The following IMMP2L variants were observed in gnomAD, a reference collection of about 807,000 sequenced individuals.
IMMP2L encodes the protein inner mitochondrial membrane peptidase subunit 2, also known as mitochondrial inner membrane protease subunit 2.
In IMMP2L, 18 loss-of-function variants were observed where a neutral mutation model predicts 19.3. That is an observed-to-expected ratio of 0.93 (90% CI 0.64 to 1.38). The LOEUF (loss-of-function observed/expected upper bound fraction) is 1.38. IMMP2L is among the 40% of genes most tolerant of loss of function. The pLI is 0.00. For missense variants in IMMP2L, 233 were observed against 218.2 expected (o/e 1.07, Z -0.43); for synonymous variants, 76 against 73.0 (o/e 1.04, Z -0.21).
At chr7:111,125,519 T>A (rs561498071) in intron 3 of IMMP2L, 1 of 165,594 alleles carries the variant, frequency 6.0e-6, no homozygotes, top group South Asian at 2.1e-4. Flanking sequence ...ATAATGAAAT[T>A]TGGAATGCTA....
chr7:110,993,813 C>T (rs1822741192), intron 3 of IMMP2L, among the ~76,000 whole-genome samples: 1 of 152,020 alleles, frequency 6.6e-6, no homozygotes, highest in Non-Finnish European at 1.5e-5. Flanking sequence ...ACAAAATCAG[C>T]CCCTCCTGAC....
chr7:111,071,855 C>T (rs1794982384), intron 3 of IMMP2L, among the ~76,000 whole-genome samples: 1 of 152,030 alleles, frequency 6.6e-6, no homozygotes, highest in African/African-American at 2.4e-5. Context: ...CAAATTTATA[C>T]ATTGTACATT....
At chr7:110,866,930 A>G (rs193020332) in intron 5 of IMMP2L, among the ~76,000 whole-genome samples, 2 of 152,256 alleles carry the variant, frequency 1.3e-5, no homozygotes, top group Admixed American at 1.3e-4. Flanking sequence ...CCAATTGCAA[A>G]CACAGTGGCA....
chr7:111,185,256 G>T (rs1672623349), intron 3 of IMMP2L, among the ~76,000 whole-genome samples: 1 of 152,152 alleles, frequency 6.6e-6, no homozygotes, highest in Non-Finnish European at 1.5e-5. Flanking sequence ...AATCTACTCT[G>T]TGGTTGGATT....
At chr7:111,214,058 T>C (rs1586860801) in intron 3 of IMMP2L, among the ~76,000 whole-genome samples, 1 of 152,090 alleles carries the variant, frequency 6.6e-6, no homozygotes, top group African/African-American at 2.4e-5. Context: ...ACACAATAAA[T>C]CAATTAAATA....
Position 110,852,115 on chromosome 7 carries a change from T to C in IMMP2L, c.408+34478A>G, listed in dbSNP as rs184473789. On this transcript the variant is annotated intron_variant, in intron 5 of 5. Coordinates refer to ENST00000405709, the MANE Select transcript of IMMP2L (RefSeq NM_032549.4). ...CCATCATTTGGTGAGGAAACTATTA[T>C]ATCAGAAACTGTGAAGGGTCTGAGA... is the stretch of plus-strand genomic sequence containing the variant. 1.9e-3 allele frequency among the ~76,000 whole-genome samples: 295 copies of C among 152,106 alleles called. 1 individual carries two copies. Among genetic ancestry groups the C allele is most frequent in the Admixed American group, 3.8e-3 (58 of 15,248 alleles).
chr7:111,163,006 C>T (rs1211227697), intron 3 of IMMP2L, among the ~76,000 whole-genome samples: 1 of 151,996 alleles, frequency 6.6e-6, no homozygotes, highest in African/African-American at 2.4e-5. Flanking sequence ...CCAGATAGGC[C>T]CCTGAACCCT....
At chr7:111,375,200 T>C (rs1341098948) in intron 3 of IMMP2L, among the ~76,000 whole-genome samples, 1 of 151,956 alleles carries the variant, frequency 6.6e-6, no homozygotes, top group African/African-American at 2.4e-5. Flanking sequence ...GCTTGTTGAG[T>C]GTTGCTACAA....
intron 3 of IMMP2L, among the ~76,000 whole-genome samples, chr7:111,071,356 T>C (rs957230800): frequency 6.6e-6 from 1 of 152,110 alleles, no homozygotes; most frequent in African/African-American, 2.4e-5. Flanking sequence ...AACATAGGAT[T>C]ACCATATAAG....
chr7:111,321,503 C>A (rs1174902438), intron 3 of IMMP2L, among the ~76,000 whole-genome samples: 3 of 151,736 alleles, frequency 2.0e-5, no homozygotes, highest in Admixed American at 6.6e-5. Flanking sequence ...GGAAAAAAAA[C>A]TACAACAATC....
At chr7:111,005,967 GT>G (rs34140423) in intron 3 of IMMP2L, among the ~76,000 whole-genome samples, 4 of 149,452 alleles carry the variant, frequency 2.7e-5, no homozygotes, top group Admixed American at 6.7e-5. Context: ...GAAAGGCCAG[GT>G]TTTTTTTTTA....
At chr7:111,527,428 G>GA (rs914450446) in intron 1 of IMMP2L, among the ~76,000 whole-genome samples, 10 of 146,142 alleles carry the variant, frequency 6.8e-5, no homozygotes, top group Admixed American at 1.4e-4. Flanking sequence ...AAAAAGGGGG[G>GA]GGGGGTAGAT....
intron 3 of IMMP2L, among the ~76,000 whole-genome samples, chr7:111,349,496 T>C (rs1050659397): frequency 2.2e-4 from 34 of 152,296 alleles, no homozygotes; most frequent in African/African-American, 6.7e-4. Context: ...GGTGCCTTTC[T>C]CTTTAAATTT....
chr7:110,820,776 G>A lies in IMMP2L; in HGVS notation c.408+65817C>T, dbSNP rs540252110. 5.3e-5 allele frequency among the ~76,000 whole-genome samples: 8 copies of A among 152,062 alleles called. No individual in the cohort carries two copies. In the East Asian group the frequency reaches 1.4e-3, roughly 26 times the overall value. On this transcript the variant is annotated intron_variant, in intron 5 of 5. Coordinates refer to ENST00000405709, the MANE Select transcript of IMMP2L (RefSeq NM_032549.4). ...GATGGCACAGACTCTACCCTAATAA[G>A]GGGTGGTAGGAAGTACACCGAACTA...
At position 111,182,954 on chromosome 7, in the gene IMMP2L, G is replaced by C. The variant is rs559664512; in HGVS notation, c.240-219389C>G. 2.0e-5 allele frequency among the ~76,000 whole-genome samples: 3 copies of C among 152,080 alleles called. No homozygotes were observed. The South Asian group carries it at 6.2e-4, about 32-fold the overall frequency. ...TAAATCTTACAGACATAGACTGGCAGTTTTCTCTTAAATTGGTGCCTTGCT... is the reference window on the plus strand; with the variant it reads ...TAAATCTTACAGACATAGACTGGCACTTTTCTCTTAAATTGGTGCCTTGCT... On this transcript the variant is annotated intron_variant, in intron 3 of 5. Transcript: ENST00000405709.
intron 5 of IMMP2L, among the ~76,000 whole-genome samples, chr7:110,679,484 T>A (rs6956636): frequency 1.3e-5 from 2 of 151,954 alleles, no homozygotes; most frequent in African/African-American, 4.8e-5. Context: ...TATATATACA[T>A]GAGTGGAGAG....
chr7:110,909,001 G>A (rs1156705445), intron 4 of IMMP2L, among the ~76,000 whole-genome samples: 1 of 152,146 alleles, frequency 6.6e-6, no homozygotes, highest in Non-Finnish European at 1.5e-5. Context: ...AAAGGTACAG[G>A]AAGCCAAAAA....
At chr7:110,878,282 T>C (rs1809277990) in intron 5 of IMMP2L, among the ~76,000 whole-genome samples, 1 of 152,192 alleles carries the variant, frequency 6.6e-6, no homozygotes, top group African/African-American at 2.4e-5. Context: ...TGGAGCATGA[T>C]ACTCTTTACA....
intron 5 of IMMP2L, among the ~76,000 whole-genome samples, chr7:110,821,752 A>T (rs993486304): frequency 1.6e-4 from 24 of 151,960 alleles, no homozygotes; most frequent in Non-Finnish European, 2.9e-5. Context: ...CTCTACCACA[A>T]ATTACAAAAA....
Sources: gnomAD v4.1 joint callset for allele counts (sites outside exome capture counted in the v4.1 genomes callset) on GRCh38, gnomAD v4.1.1 for gene constraint, MANE v1.5 for transcripts, NCBI Gene and HGNC (gene_info 2026-07-23, HGNC 2026-07-21) for gene names.